NUP210: variants seen among roughly 807,000 people sequenced by gnomAD.
NUP210 encodes nucleoporin 210.
A neutral mutation model predicts 196.0 loss-of-function variants in NUP210; 151 were observed. That is an observed-to-expected ratio of 0.77 (90% CI 0.67 to 0.88). The LOEUF is 0.88. Among genes scored for constraint, NUP210 ranks in the 40% least tolerant of loss-of-function variants. The pLI, the probability that NUP210 is intolerant of heterozygous loss-of-function variation, is 0.00. For synonymous variants in NUP210, 1,070 were observed against 1,052.7 expected (o/e 1.02, Z -0.32); for missense variants, 2,314 against 2,493.7 (o/e 0.93, Z 1.53).
chr3:13,386,582 A>G (rs1306988679), intron 5 of NUP210, among the ~76,000 whole-genome samples, 175 bp from the exon 6 acceptor site: 2 of 152,226 alleles, frequency 1.3e-5, no homozygotes, highest in African/African-American at 2.4e-5. Context: ...GGGGAGCTCC[A>G]TAAGTATAGC....
chr3:13,401,259 CAAAAAAA>C (rs71066952), intron 1 of NUP210, among the ~76,000 whole-genome samples: 5 of 43,832 alleles, frequency 1.1e-4, no homozygotes, highest in South Asian at 2.1e-3. Flanking sequence ...GACTCTGGCT[CAAAAAAA>C]AAAAAAAAAA....
rs918065887 is a variant in NUP210 at position 13,343,266 on chromosome 3, A to G, written c.2873T>C (p.Ile958Thr). ...PLLPGSSTIM[I>T]HDLCLVFPAP... ...CGGGAAGACGAGGCACAAGTCATGGATCATGATGGTGGATGAGCCCGGGAG... is the reference window on the plus strand; with the variant it reads ...CGGGAAGACGAGGCACAAGTCATGGGTCATGATGGTGGATGAGCCCGGGAG... Residue 958 changes from isoleucine to threonine, a missense_variant, in exon 21 of 40, where the codon ATC (isoleucine) becomes ACC (threonine). Ile to Thr is a moderately conservative substitution (Grantham distance 89). Transcript: ENST00000254508. 2 of 1,550,136 alleles carry G rather than the reference A, an allele frequency of 1.3e-6. No homozygotes were observed. The highest frequency in any genetic ancestry group is 2.2e-5 in the South Asian group (2 of 90,322).
chr3:13,342,199 C>T (rs1697538246), intron 21 of NUP210, 76 bp from the exon 22 acceptor site: 1 of 1,566,016 alleles, frequency 6.4e-7, no homozygotes, highest in Non-Finnish European at 8.7e-7. Flanking sequence ...CCGTGACTTT[C>T]TGAGATAGCA....
chr3:13,353,135 C>T (rs1399797673), intron 18 of NUP210, among the ~76,000 whole-genome samples: 2 of 152,060 alleles, frequency 1.3e-5, no homozygotes, highest in Non-Finnish European at 2.9e-5. Flanking sequence ...GTGCTGCCCC[C>T]ACGGGACCCC....
chr3:13,332,158 GCC>G, intron 29 of NUP210, 133 bp downstream of exon 29: 1 of 690,686 alleles, frequency 1.4e-6, no homozygotes, highest in Non-Finnish European at 2.7e-6. Context: ...GCAGGCAGAG[GCC>G]TCACCCATTC....
At chr3:13,327,173 G>T in intron 32 of NUP210, 44 bp downstream of exon 32, 1 of 1,527,132 alleles carries the variant, frequency 6.5e-7, no homozygotes. Flanking sequence ...AGCTTTGCAA[G>T]CGTCCGTGAC....
At chr3:13,381,623 A>C (rs1699104217) in intron 6 of NUP210, among the ~76,000 whole-genome samples, 1 of 151,818 alleles carries the variant, frequency 6.6e-6, no homozygotes, top group Non-Finnish European at 1.5e-5. Flanking sequence ...AGAGACACTG[A>C]ATGTGGAAGT....
intron 1 of NUP210, among the ~76,000 whole-genome samples, chr3:13,407,872 G>C (rs549678224): frequency 6.6e-6 from 1 of 152,146 alleles, no homozygotes; most frequent in Non-Finnish European, 1.5e-5. Flanking sequence ...ACTAAGTACA[G>C]ACTACACATT....
At chr3:13,385,998 C>A (rs1034528840) in intron 6 of NUP210, among the ~76,000 whole-genome samples, 2 of 152,160 alleles carry the variant, frequency 1.3e-5, no homozygotes, top group African/African-American at 4.8e-5. Context: ...CCAGAGTAGT[C>A]ACATTCACAG....
Position 13,349,181 on chromosome 3 carries a change from G to A in NUP210, c.2835+2698C>T, listed in dbSNP as rs539173332. Among the ~76,000 whole-genome samples the A allele has an allele frequency of 2.0e-4, 30 of 152,324 alleles. No homozygotes were observed. The East Asian group carries it at 4.3e-3, about 22-fold the overall frequency. On this transcript the variant is annotated intron_variant, in intron 20 of 39. Transcript: ENST00000254508. ...TGGGAAGAACAAGGGCCTGTGGTGC[G>A]TGAAATAAGATGCCCATCCTCCCTG...
At chr3:13,370,328 C>T (rs951737833) in intron 13 of NUP210, among the ~76,000 whole-genome samples, 6 of 152,182 alleles carry the variant, frequency 3.9e-5, no homozygotes, top group African/African-American at 1.2e-4. Context: ...CGCCCTGCAT[C>T]GTGCTGAGGG....
chr3:13,412,774 A>G (rs893417505), intron 1 of NUP210, among the ~76,000 whole-genome samples: 8 of 151,384 alleles, frequency 5.3e-5, no homozygotes, highest in Non-Finnish European at 1.2e-4. Context: ...GAGCAAGACC[A>G]TCCTGGCTAA....
chr3:13,319,246 TGTCCCAGCCAACAGGGC>T lies in NUP210; in HGVS notation c.5446_5462del (p.Ala1816SerfsTer119). On this transcript the variant is annotated frameshift_variant, in exon 38 of 40. Transcript: ENST00000254508. LOFTEE classifies it high-confidence loss of function. ...CCTCCTCACCTATGATCATGACCGCTGTCCCAGCCAACAGGGCGAAGAGCGTGAAGAACATGACCTGG... is the reference window on the plus strand; with the variant it reads ...CCTCCTCACCTATGATCATGACCGCTGAAGAGCGTGAAGAACATGACCTGG... 9.9e-6 allele frequency: 16 copies of T among 1,613,340 alleles called. No homozygotes were observed. Among genetic ancestry groups the T allele is most frequent in the Non-Finnish European group, 1.4e-5 (16 of 1,179,666 alleles).
At position 13,378,901 on chromosome 3, in the gene NUP210, C is replaced by A; in HGVS notation, c.1045+11G>T. ...GCAGCATCCATGAGGGCCCAGGAGG[C>A]CCACACTCACCTAGGTATCCAGGTT... On this transcript the variant is annotated intron_variant, in intron 8 of 39. Coordinates refer to ENST00000254508, the MANE Select transcript of NUP210 (RefSeq NM_024923.4). 2 of 1,605,510 alleles carry A rather than the reference C, an allele frequency of 1.2e-6. No homozygotes were observed. The highest frequency in any genetic ancestry group is 3.3e-5 in the Admixed American group (2 of 59,994).
At position 13,323,166 on chromosome 3, in the gene NUP210, T is replaced by G; in HGVS notation, c.4768+143A>C. On this transcript the variant is annotated intron_variant, in intron 34 of 39. Transcript: ENST00000254508. This position sits in a 1 kb window ranked among gnomAD's most constrained non-coding sequence, Gnocchi z 4.3. Reference sequence around the variant, plus strand: ...CCAATTTCAGAAACGCTGGAAGGAGTGGATGAGTGGGGGCTAAATGCCCTC... The same window carrying G: ...CCAATTTCAGAAACGCTGGAAGGAGGGGATGAGTGGGGGCTAAATGCCCTC... 1 of 981,022 alleles carries G rather than the reference T, an allele frequency of 1.0e-6. No homozygotes were observed. Among genetic ancestry groups the G allele is most frequent in the Non-Finnish European group, 1.5e-6 (1 of 667,324 alleles). The allele number at this position is 981,022 out of a possible 1,614,324, so 60.8% of individuals were successfully genotyped here.
intron 20 of NUP210, chr3:13,351,612 G>C (rs910928624): frequency 5.2e-6 from 2 of 386,484 alleles, no homozygotes; most frequent in Non-Finnish European, 9.5e-6. Flanking sequence ...TCAGGTTCCT[G>C]TGTAGCTGGG....
chr3:13,367,729 T>C (rs925187981), intron 13 of NUP210, among the ~76,000 whole-genome samples: 1 of 152,214 alleles, frequency 6.6e-6, no homozygotes, highest in East Asian at 1.9e-4. Context: ...GGATTTCTCA[T>C]TGGTCACACC....
Position 13,348,420 on chromosome 3 carries a change from G to A in NUP210, c.2835+3459C>T. The stretch of plus-strand genomic sequence containing the variant: ...ACAGAATGACAGGTGCAAGGTAAAT[G>A]TGAATGAGAGTGTGCCTCGGTTTCA... On this transcript the variant is annotated intron_variant, in intron 20 of 39. Coordinates refer to ENST00000254508, the MANE Select transcript of NUP210 (RefSeq NM_024923.4). The surrounding 1 kb of genome is among the most constrained non-coding windows in gnomAD (Gnocchi z 4.0). 1.0e-6 allele frequency: 1 copy of A among 985,428 alleles called. No homozygotes were observed. The allele number at this position is 985,428 out of a possible 1,614,324, so 61.0% of individuals were successfully genotyped here.
rs1273918889 is a variant in NUP210, at chr3:13,353,950, G to T, written c.2486C>A (p.Ser829Tyr). The T allele has an allele frequency of 1.9e-6, 3 of 1,610,182 alleles. No individual in the cohort carries two copies. The highest frequency in any genetic ancestry group is 4.5e-5 in the East Asian group (2 of 44,862). The change falls in exon 17 of 40, where the codon TCC becomes TAC. Residue 829 changes from serine (S) to tyrosine (Y), a missense_variant. By Grantham distance (144) the Ser-to-Tyr change is moderately radical. Transcript: ENST00000254508. ...CTTTTGGCCACTCTCATCGTCCTGG[G>T]ACACCAGCTGCATGGGCAGCTCAGG... is the stretch of plus-strand genomic sequence containing the variant. ...IEPELPMQLV[S>Y]QDDESGQKKL... is the part of the protein sequence containing the mutation.
Sources: gnomAD v4.1 joint callset for allele counts (sites outside exome capture counted in the v4.1 genomes callset) on GRCh38, gnomAD v4.1.1 for gene constraint, Gnocchi (gnomAD v3.1) non-coding constraint, MANE v1.5 for transcripts, NCBI Gene and HGNC (gene_info 2026-07-23, HGNC 2026-07-21) for gene names.